TENM4: variants seen among roughly 807,000 people sequenced by gnomAD.
The protein encoded by TENM4 is teneurin transmembrane protein 4.
In TENM4, 82 loss-of-function variants were observed where a neutral mutation model predicts 243.3. The ratio of observed to expected loss-of-function variants is 0.34; its 90% CI spans 0.28 to 0.40. The LOEUF (loss-of-function observed/expected upper bound fraction) is 0.40, where lower values mean the gene tolerates loss of function less well. TENM4 is among the 10% of genes least tolerant of loss of function. The pLI is 1.00. For missense variants in TENM4, 3,138 were observed against 3,673.3 expected (o/e 0.85, Z 3.77); for synonymous variants, 1,412 against 1,456.3 (o/e 0.97, Z 0.69).
At chr11:79,258,040 C>G (rs1855729574) in intron 2 of TENM4, among the ~76,000 whole-genome samples, 1 of 152,106 alleles carries the variant, frequency 6.6e-6, no homozygotes. Context: ...ATGGTACAGA[C>G]AGGTTGGGTG....
At chr11:78,891,357 G>T in intron 7 of TENM4, 21 bp from the exon 8 acceptor site, 1 of 1,546,346 alleles carries the variant, frequency 6.5e-7, no homozygotes, top group Admixed American at 2.0e-5. Context: ...ATGGAGACAT[G>T]AATGAAGCAA....
intron 6 of TENM4, among the ~76,000 whole-genome samples, chr11:78,938,422 C>T (rs1856829566): frequency 6.6e-6 from 1 of 152,156 alleles, no homozygotes; most frequent in African/African-American, 2.4e-5. Context: ...TCTTAAGGAA[C>T]ACGTCCATGT....
chr11:79,261,081 G>A (rs1188756966), intron 2 of TENM4, among the ~76,000 whole-genome samples: 1 of 152,234 alleles, frequency 6.6e-6, no homozygotes, highest in Non-Finnish European at 1.5e-5. Flanking sequence ...GGCACAGGGG[G>A]CAGTATTCCT....
chr11:78,756,809 C>T lies in TENM4; in HGVS notation c.2752G>A (p.Gly918Arg), dbSNP rs1290941936. 2 of 1,612,884 alleles carry T rather than the reference C, an allele frequency of 1.2e-6. No individual in the cohort carries two copies. The highest frequency in any genetic ancestry group is 1.7e-5 in the Admixed American group (1 of 59,910). Residue 918 changes from glycine (G) to arginine (R), a missense_variant, in exon 19 of 34, where the codon GGA becomes AGA. Transcript: ENST00000278550. ...AGCTGGGGCCCTCGGACTCACCCTC[C>T]ATCAAAGGGGTTCTCCCCGGGGATT... ...HIIPGENPFD[G>R]GHACVIRGQV...
At chr11:79,346,049 T>G (rs1160756353) in intron 1 of TENM4, among the ~76,000 whole-genome samples, 4 of 152,194 alleles carry the variant, frequency 2.6e-5, no homozygotes, top group Admixed American at 6.5e-5. Flanking sequence ...CCTTCAGTCC[T>G]GACGACCTGA....
intron 6 of TENM4, among the ~76,000 whole-genome samples, chr11:78,976,440 G>T (rs184432935): frequency 1.3e-5 from 2 of 152,320 alleles, no homozygotes; most frequent in Admixed American, 1.3e-4. Context: ...AAGCCATGTG[G>T]TGTGGATATA....
At chr11:79,399,924 C>T (rs1858421802) in intron 1 of TENM4, among the ~76,000 whole-genome samples, 1 of 152,036 alleles carries the variant, frequency 6.6e-6, no homozygotes, top group Non-Finnish European at 1.5e-5. Flanking sequence ...AACCAACACT[C>T]AATAAATGGT....
intron 1 of TENM4, among the ~76,000 whole-genome samples, chr11:79,308,058 C>A (rs938330336): frequency 1.3e-5 from 2 of 152,218 alleles, no homozygotes; most frequent in Non-Finnish European, 2.9e-5. Flanking sequence ...GCCTCAGAAG[C>A]TGCTACTGGT....
chr11:79,357,860 G>T (rs1311994308), intron 1 of TENM4, among the ~76,000 whole-genome samples: 1 of 152,088 alleles, frequency 6.6e-6, no homozygotes, highest in Non-Finnish European at 1.5e-5. Flanking sequence ...TCCAAGTGTG[G>T]CATATGTTTA....
rs753682315 is a variant in TENM4, at chr11:78,854,092, T to C, written c.1681+12A>G. On this transcript the variant is annotated intron_variant, in intron 12 of 33. Transcript: ENST00000278550. Reference sequence around the variant, plus strand: ...AATATCCCACAGCCCCCAGAGGGTGTGGCTCCCTTACCAATGGCAGTGGTG... The same window carrying C: ...AATATCCCACAGCCCCCAGAGGGTGCGGCTCCCTTACCAATGGCAGTGGTG... The C allele has an allele frequency of 4.1e-5, 63 of 1,550,298 alleles. No homozygotes were observed. The highest frequency in any genetic ancestry group is 4.7e-5 in the Non-Finnish European group (54 of 1,146,144).
chr11:79,256,382 T>A lies in TENM4; in HGVS notation c.-264-40473A>T, dbSNP rs143601260. The stretch of plus-strand genomic sequence containing the variant: ...ACTTGCCATGTATTGTAGCATTTCA[T>A]GTCCTCATTTTCCAGGGAAGTGGAG... On this transcript the variant is annotated intron_variant, in intron 2 of 33. Coordinates refer to ENST00000278550, the MANE Select transcript of TENM4 (RefSeq NM_001098816.3). Among the ~76,000 whole-genome samples, 795 of 152,322 alleles carry A rather than the reference T, an allele frequency of 5.2e-3. 4 individuals are homozygous for A. The highest frequency in any genetic ancestry group is 8.7e-3 in the South Asian group (42 of 4,826).
intron 29 of TENM4, among the ~76,000 whole-genome samples, chr11:78,684,387 A>T (rs566577964): frequency 1.3e-5 from 2 of 152,360 alleles, no homozygotes; most frequent in South Asian, 4.1e-4. Flanking sequence ...GAATATGAAG[A>T]GCTGAGAACT....
At chr11:79,034,604 AG>A (rs1204940602) in intron 6 of TENM4, among the ~76,000 whole-genome samples, 1 of 152,168 alleles carries the variant, frequency 6.6e-6, no homozygotes, top group Admixed American at 6.5e-5. Flanking sequence ...TTTTTAAATT[AG>A]GTATCTATGG....
intron 1 of TENM4, among the ~76,000 whole-genome samples, chr11:79,340,373 A>G (rs1285955943): frequency 6.6e-6 from 1 of 152,060 alleles, no homozygotes; most frequent in African/African-American, 2.4e-5. Flanking sequence ...CTGGCAGAGA[A>G]GGCAAAAAAA....
chr11:79,108,108 G>A (rs1401014514), intron 4 of TENM4, among the ~76,000 whole-genome samples: 2 of 152,234 alleles, frequency 1.3e-5, no homozygotes, highest in Non-Finnish European at 2.9e-5. Context: ...GATAATGGGA[G>A]GAACTGGAGA....
intron 3 of TENM4, among the ~76,000 whole-genome samples, chr11:79,196,377 C>T (rs1291501658): frequency 6.6e-6 from 1 of 151,690 alleles, no homozygotes; most frequent in Non-Finnish European, 1.5e-5. Flanking sequence ...ATCTCGTAGG[C>T]TTGTTGAGAA....
intron 2 of TENM4, among the ~76,000 whole-genome samples, chr11:79,238,745 G>A (rs1343876657): frequency 1.3e-5 from 2 of 152,052 alleles, no homozygotes; most frequent in Non-Finnish European, 2.9e-5. Flanking sequence ...TTAGGTGCAG[G>A]CCAGGCACAG....
At position 78,923,965 on chromosome 11, in the gene TENM4, C is replaced by T. The variant is rs190326100; in HGVS notation, c.494-20442G>A. Among the ~76,000 whole-genome samples the T allele has an allele frequency of 1.2e-3, 182 of 151,954 alleles. 2 individuals carry two copies. The highest frequency in any genetic ancestry group is 3.6e-3 in the African/African-American group (150 of 41,414). On this transcript the variant is annotated intron_variant, in intron 6 of 33. Transcript: ENST00000278550. The stretch of plus-strand genomic sequence containing the variant: ...TGCCTCCCAGGATCAAGCGATTCTC[C>T]TGCCTCAGCCTCCCAAGTAGCTGGG...
At chr11:78,988,301 T>A (rs1278198770) in intron 6 of TENM4, among the ~76,000 whole-genome samples, 1 of 152,174 alleles carries the variant, frequency 6.6e-6, no homozygotes, top group Non-Finnish European at 1.5e-5. Context: ...TAGTGACCAA[T>A]GGTCCAGCCC....
Sources: allele counts gnomAD v4.1 joint callset (sites outside exome capture counted in the v4.1 genomes callset), GRCh38; gene constraint gnomAD v4.1.1; transcripts MANE v1.5; gene names NCBI Gene and HGNC (gene_info 2026-07-23, HGNC 2026-07-21).